CSMD3: variants seen among roughly 807,000 people sequenced by gnomAD.
CSMD3 encodes CUB and Sushi multiple domains 3, also known as CUB and sushi domain-containing protein 3.
Under a neutral mutation model 435.2 loss-of-function variants are expected in CSMD3, and 177 were observed. The observed-to-expected ratio is 0.41, with a 90% CI of 0.36 to 0.46. The LOEUF (loss-of-function observed/expected upper bound fraction) is 0.46, where lower values mean the gene tolerates loss of function less well. Ranked by LOEUF, CSMD3 falls within the 20% of genes least tolerant of loss-of-function variation. CSMD3 has a pLI of 0.34. For synonymous variants in CSMD3, 1,656 were observed against 1,520.5 expected (o/e 1.09, Z -2.07); for missense variants, 4,265 against 4,504.6 (o/e 0.95, Z 1.52).
chr8:113,258,111 T>A (rs1360374520), intron 3 of CSMD3, among the ~76,000 whole-genome samples: 1 of 152,218 alleles, frequency 6.6e-6, no homozygotes, highest in East Asian at 1.9e-4. Context: ...GAATTCCTCA[T>A]GAAAGCTGTT....
intron 1 of CSMD3, among the ~76,000 whole-genome samples, chr8:113,343,951 C>T (rs2094136245): frequency 6.6e-6 from 1 of 151,970 alleles, no homozygotes; most frequent in African/African-American, 2.4e-5. Context: ...TAATAATGTA[C>T]TATAATTTTC....
intron 31 of CSMD3, among the ~76,000 whole-genome samples, chr8:112,477,757 AAATTT>A: frequency 6.6e-6 from 1 of 152,338 alleles, no homozygotes; most frequent in East Asian, 1.9e-4. Flanking sequence ...CGAGCCAATT[AAATTT>A]ATTTTCTTTA....
chr8:112,410,626 G>GTATATATATATGTGTATATATA lies in CSMD3; in HGVS notation c.5396-1595_5396-1594insTATATATACACATATATATATA, dbSNP rs1481648200. The stretch of plus-strand genomic sequence containing the variant: ...TGTGTATATATATATGTATATATAT[G>GTATATATATATGTGTATATATA]TGTATATATATGTATATATATATGT... On this transcript the variant is annotated intron_variant, in intron 32 of 70. Transcript: ENST00000297405. Among the ~76,000 whole-genome samples the GTATATATATATGTGTATATATA allele has an allele frequency of 6.0e-5, 2 of 33,468 alleles. 1 individual carries two copies. Among genetic ancestry groups the GTATATATATATGTGTATATATA allele is most frequent in the Non-Finnish European group, 1.3e-4 (2 of 15,620 alleles). The allele number at this position is 33,468 out of a possible 152,430, so 22.0% of individuals were successfully genotyped here. A position where few individuals can be genotyped will look rare whatever the true frequency, so the allele number is the denominator to read the frequency against.
intron 3 of CSMD3, among the ~76,000 whole-genome samples, chr8:113,222,319 T>G (rs1056347905): frequency 6.6e-6 from 1 of 151,068 alleles, no homozygotes; most frequent in Non-Finnish European, 1.5e-5. Context: ...TCTCTTCTTC[T>G]TTTAATCTTT....
intron 37 of CSMD3, among the ~76,000 whole-genome samples, chr8:112,382,568 T>C (rs1829572372): frequency 6.6e-6 from 1 of 152,118 alleles, no homozygotes; most frequent in Non-Finnish European, 1.5e-5. Context: ...AGTTAATATG[T>C]TAGCTATATT....
At chr8:113,144,905 T>C (rs973656917) in intron 4 of CSMD3, among the ~76,000 whole-genome samples, 1 of 151,418 alleles carries the variant, frequency 6.6e-6, no homozygotes, top group Non-Finnish European at 1.5e-5. Flanking sequence ...ATAAAGATTG[T>C]GAGAAACAAT....
At chr8:112,717,151 A>T (rs1238674732) in intron 13 of CSMD3, among the ~76,000 whole-genome samples, 3 of 151,886 alleles carry the variant, frequency 2.0e-5, no homozygotes, top group Middle Eastern at 6.8e-3. Flanking sequence ...AATGGGAGAA[A>T]TTTTTTGCAA....
At chr8:113,109,539 C>G (rs563412664) in intron 4 of CSMD3, among the ~76,000 whole-genome samples, 27 of 152,264 alleles carry the variant, frequency 1.8e-4, no homozygotes, top group Non-Finnish European at 3.5e-4. Context: ...TCTAACAAGG[C>G]AAACAATATT....
At chr8:112,894,843 G>C (rs1286082574) in intron 10 of CSMD3, among the ~76,000 whole-genome samples, 1 of 150,194 alleles carries the variant, frequency 6.7e-6, no homozygotes, top group South Asian at 2.1e-4. Flanking sequence ...AAGACATAAA[G>C]AGAATTGAAA....
intron 3 of CSMD3, among the ~76,000 whole-genome samples, chr8:113,210,003 GGTGTGTGTGTGT>G (rs3048831): frequency 0.016 from 2,234 of 139,040 alleles, 56 homozygotes; most frequent in African/African-American, 0.049. Flanking sequence ...TCTCCTAAAA[GGTGTGTGTGTGT>G]GTGTGTGTGT....
intron 70 of CSMD3, among the ~76,000 whole-genome samples, chr8:112,227,012 A>T (rs1812638309): frequency 6.6e-6 from 1 of 152,204 alleles, no homozygotes; most frequent in African/African-American, 2.4e-5. Flanking sequence ...GAACACCTTG[A>T]TGGTTACTCA....
chr8:112,423,856 A>G (rs1203237862), intron 32 of CSMD3, among the ~76,000 whole-genome samples: 1 of 152,130 alleles, frequency 6.6e-6, no homozygotes, highest in East Asian at 1.9e-4. Flanking sequence ...AAGCTTTTAT[A>G]TATATATACA....
At chr8:113,056,154 G>A (rs1261807349) in intron 5 of CSMD3, among the ~76,000 whole-genome samples, 1 of 152,294 alleles carries the variant, frequency 6.6e-6, no homozygotes, top group Admixed American at 6.5e-5. Context: ...GATTTCTTGT[G>A]TCTTAAATCC....
chr8:112,659,080 C>T lies in CSMD3; in HGVS notation c.2817-2739G>A, dbSNP rs151176962. Among the ~76,000 whole-genome samples, 232 of 152,170 alleles carry T rather than the reference C, an allele frequency of 1.5e-3. 2 individuals are homozygous for T. Among genetic ancestry groups the T allele is most frequent in the African/African-American group, 5.2e-3 (216 of 41,504 alleles). On this transcript the variant is annotated intron_variant, in intron 17 of 70. Transcript: ENST00000297405. The stretch of plus-strand genomic sequence containing the variant: ...CTGACAGCAGCCAAATTAAAATGCA[C>T]GGAAGAGTCAGGGATTACTTCAAAT...
chr8:112,440,458 T>C (rs1323895837), intron 32 of CSMD3, among the ~76,000 whole-genome samples: 1 of 152,178 alleles, frequency 6.6e-6, no homozygotes, highest in East Asian at 1.9e-4. Context: ...AAGCTGTCAA[T>C]GGATCTACCA....
intron 12 of CSMD3, among the ~76,000 whole-genome samples, chr8:112,803,329 A>G (rs2079003789): frequency 6.6e-6 from 1 of 152,088 alleles, no homozygotes; most frequent in South Asian, 2.1e-4. Flanking sequence ...TAGTTAGTGT[A>G]TTTCCCTACA....
At chr8:112,432,738 T>G (rs984113168) in intron 32 of CSMD3, among the ~76,000 whole-genome samples, 1 of 151,958 alleles carries the variant, frequency 6.6e-6, no homozygotes, top group Non-Finnish European at 1.5e-5. Context: ...ATGAACCGGT[T>G]TGGGAAGCAA....
At chr8:112,932,033 AT>A (rs1460540445) in intron 9 of CSMD3, among the ~76,000 whole-genome samples, 2 of 152,180 alleles carry the variant, frequency 1.3e-5, no homozygotes, top group Non-Finnish European at 2.9e-5. Context: ...GGGGGGCAGT[AT>A]GAAGAGTTCT....
intron 3 of CSMD3, among the ~76,000 whole-genome samples, chr8:113,276,412 T>G (rs2093570748): frequency 6.6e-6 from 1 of 152,004 alleles, no homozygotes; most frequent in African/African-American, 2.4e-5. Context: ...TGAGGAGGAT[T>G]CTTTTTACCA....
Sources: gnomAD v4.1 joint callset for allele counts (sites outside exome capture counted in the v4.1 genomes callset) on GRCh38, gnomAD v4.1.1 for gene constraint, MANE v1.5 for transcripts, NCBI Gene and HGNC (gene_info 2026-07-23, HGNC 2026-07-21) for gene names.